Variants in UQCR10 observed in about 807,000 individuals in gnomAD.
The protein encoded by UQCR10 is cytochrome b-c1 complex subunit 9.
UQCR10 carries 5 observed loss-of-function variants against 6.0 expected under a neutral mutation model. That is an observed-to-expected ratio of 0.83 (90% CI 0.43 to 1.74). The LOEUF (loss-of-function observed/expected upper bound fraction) is 1.74, where lower values mean the gene tolerates loss of function less well. UQCR10 is among the 40% of genes most tolerant of loss of function. The pLI is 0.02. For missense variants in UQCR10, 101 were observed against 85.1 expected (o/e 1.19, Z -0.74); for synonymous variants, 40 against 37.4 (o/e 1.07, Z -0.26).
chr22:29,768,409 CACTT>C (rs1446278618), intron 1 of UQCR10, among the ~76,000 whole-genome samples: 6 of 152,130 alleles, frequency 3.9e-5, no homozygotes, highest in Middle Eastern at 3.2e-3. Context: ...TTCCACCACT[CACTT>C]GTGTTTTTAA....
At position 29,769,962 on chromosome 22, in the gene UQCR10, G is replaced by T. The variant is rs1271763709; in HGVS notation, c.*243G>T. 1 of 649,598 alleles carries T rather than the reference G, an allele frequency of 1.5e-6. No homozygotes were observed. The highest frequency in any genetic ancestry group is 1.8e-5 in the African/African-American group (1 of 56,238). 40.2% of individuals were successfully genotyped at this position (649,598 alleles called of 1,614,324 possible). A position where few individuals can be genotyped will look rare whatever the true frequency, so the allele number is the denominator to read the frequency against. ...GCCCTTGAGACCTGCTTCTACATTGGTTGCTTTGTTAACTCTACCTGATCT... is the reference window on the plus strand; with the variant it reads ...GCCCTTGAGACCTGCTTCTACATTGTTTGCTTTGTTAACTCTACCTGATCT... On this transcript the variant is annotated 3_prime_UTR_variant, in exon 2 of 2. Transcript: ENST00000330029.
intron 1 of UQCR10, among the ~76,000 whole-genome samples, chr22:29,767,845 G>A (rs1448837679): frequency 6.6e-6 from 1 of 152,170 alleles, no homozygotes; most frequent in Non-Finnish European, 1.5e-5. Flanking sequence ...GGACTTACTA[G>A]CTGCACAGGA....
At chr22:29,767,643 G>A in intron 1 of UQCR10, 95 bp downstream of exon 1, 3 of 1,466,866 alleles carry the variant, frequency 2.0e-6, no homozygotes, top group Admixed American at 4.7e-5. Flanking sequence ...ACCAGGAAGG[G>A]GGTAAGGGGT....
In UQCR10 at chr22:29,767,403, C is replaced by T. The variant is rs1190765049; in HGVS notation, c.5C>T (p.Ala2Val). 5 of 1,612,516 alleles carry T rather than the reference C, an allele frequency of 3.1e-6. No individual in the cohort carries two copies. The highest frequency in any genetic ancestry group is 1.7e-5 in the Admixed American group (1 of 59,996). The change falls in exon 1 of 2, where the codon GCG (alanine) becomes GTG (valine). Residue 2 changes from alanine (A) to valine (V), a missense_variant. Transcript: ENST00000330029. M[A>V]AATLTSKLYS... ...CGAGTTGGACTGTGAAGAAACATGG[C>T]GGCCGCGACGTTGACTTCGAAATTG...
intron 1 of UQCR10, 65 bp downstream of exon 1, chr22:29,767,613 A>T: frequency 6.5e-7 from 1 of 1,543,752 alleles, no homozygotes; most frequent in South Asian, 1.2e-5. Context: ...TAGAGGTGGG[A>T]TGGGACTCAG....
chr22:29,770,220 G>A lies in UQCR10; in HGVS notation c.*501G>A, dbSNP rs1268679637. 1 of 350,658 alleles carries A rather than the reference G, an allele frequency of 2.9e-6. No homozygotes were observed. Among genetic ancestry groups the A allele is most frequent in the Non-Finnish European group, 5.6e-6 (1 of 178,654 alleles). 21.7% of individuals were successfully genotyped at this position (350,658 alleles called of 1,614,324 possible). ...TGGCCTCAGCTGGGGGAAAGACCCT[G>A]GCCTAGGGGTCTTAGCCACTCCCCA... On this transcript the variant is annotated 3_prime_UTR_variant, in exon 2 of 2. Coordinates refer to ENST00000330029, the MANE Select transcript of UQCR10 (RefSeq NM_013387.4).
chr22:29,767,561 G>A lies in UQCR10; in HGVS notation c.150+13G>A, dbSNP rs904768837. 13 of 1,463,260 alleles carry A rather than the reference G, an allele frequency of 8.9e-6. No individual in the cohort carries two copies. Among genetic ancestry groups the A allele is most frequent in the African/African-American group, 1.4e-5 (1 of 72,262 alleles). The allele number at this position is 1,463,260 out of a possible 1,614,324, so 90.6% of individuals were successfully genotyped here. On this transcript the variant is annotated intron_variant, in intron 1 of 1. Coordinates refer to ENST00000330029, the MANE Select transcript of UQCR10 (RefSeq NM_013387.4). ...CATCAACGAGGGGGTGAGGGCCTGT[G>A]CCATCCCTGACCTTGGACCCGCCTG...
chr22:29,769,216 T>C (rs1412944780), intron 1 of UQCR10, among the ~76,000 whole-genome samples: 1 of 152,128 alleles, frequency 6.6e-6, no homozygotes, highest in African/African-American at 2.4e-5. Context: ...GAATTATGCA[T>C]GAAGGCTCGG....
rs2068253752 is a variant in UQCR10 at position 29,770,183 on chromosome 22, G to A, written c.*464G>A. ...TTAAATACCTCACTGTCTTGGCCAT[G>A]GGGAAGCACTATGGCCTCAGCTGGG... On this transcript the variant is annotated 3_prime_UTR_variant, in exon 2 of 2. Transcript: ENST00000330029. The A allele has an allele frequency of 5.6e-6, 2 of 358,108 alleles. No individual in the cohort carries two copies. 22.2% of individuals were successfully genotyped at this position (358,108 alleles called of 1,614,324 possible).
At chr22:29,768,636 T>G (rs1476305351) in intron 1 of UQCR10, among the ~76,000 whole-genome samples, 28 of 123,368 alleles carry the variant, frequency 2.3e-4, no homozygotes, top group East Asian at 7.7e-4. Context: ...TGTTTTGTTT[T>G]GTTTTTTTGA....
Position 29,770,157 on chromosome 22 carries a change from C to T in UQCR10, c.*438C>T, listed in dbSNP as rs2068253548. ...TGGCTTCTAAGCCAGTAATTCCATT[C>T]TTAAATACCTCACTGTCTTGGCCAT... On this transcript the variant is annotated 3_prime_UTR_variant, in exon 2 of 2. Transcript: ENST00000330029. The T allele has an allele frequency of 2.8e-6, 1 of 360,878 alleles. No individual in the cohort carries two copies. Among genetic ancestry groups the T allele is most frequent in the Admixed American group, 3.7e-5 (1 of 26,704 alleles). 22.4% of individuals were successfully genotyped at this position (360,878 alleles called of 1,614,324 possible). A position where few individuals can be genotyped will look rare whatever the true frequency, so the allele number is the denominator to read the frequency against.
chr22:29,768,692 T>G (rs1276243971), intron 1 of UQCR10, among the ~76,000 whole-genome samples: 1 of 152,116 alleles, frequency 6.6e-6, no homozygotes, highest in Non-Finnish European at 1.5e-5. Flanking sequence ...AGTGGCATGA[T>G]CACAGCTCAC....
Position 29,769,598 on chromosome 22 carries a change from T to A in UQCR10, c.151-80T>A, listed in dbSNP as rs2068249043. The A allele has an allele frequency of 3.5e-6, 5 of 1,431,058 alleles. No individual in the cohort carries two copies. The South Asian group carries it at 5.0e-5, about 14-fold the overall frequency. 88.6% of individuals were successfully genotyped at this position (1,431,058 alleles called of 1,614,324 possible). On this transcript the variant is annotated intron_variant, in intron 1 of 1. Transcript: ENST00000330029. ...GCATGTGTTTCCCCCAAGCTCATTTTAGAGACCAGGGCAGTGGGAGTAGTT... is the reference window on the plus strand; with the variant it reads ...GCATGTGTTTCCCCCAAGCTCATTTAAGAGACCAGGGCAGTGGGAGTAGTT...
Position 29,769,921 on chromosome 22 carries a change from G to A in UQCR10, c.*202G>A, listed in dbSNP as rs1569344792. ...AAGTATGTTTAGTCAGCATGCTCAG[G>A]AAATAAATGTGAATTGCCCTTGAGA... On this transcript the variant is annotated 3_prime_UTR_variant, in exon 2 of 2. Transcript: ENST00000330029. 2 of 721,152 alleles carry A rather than the reference G, an allele frequency of 2.8e-6. No homozygotes were observed. Among genetic ancestry groups the A allele is most frequent in the East Asian group, 2.7e-5 (1 of 36,610 alleles). 44.7% of individuals were successfully genotyped at this position (721,152 alleles called of 1,614,324 possible). A position where few individuals can be genotyped will look rare whatever the true frequency, so the allele number is the denominator to read the frequency against.
chr22:29,767,412 C>T lies in UQCR10; in HGVS notation c.14C>T (p.Thr5Met), dbSNP rs756103227. 23 of 1,613,060 alleles carry T rather than the reference C, an allele frequency of 1.4e-5. No individual in the cohort carries two copies. Among genetic ancestry groups the T allele is most frequent in the African/African-American group, 8.0e-5 (6 of 75,046 alleles). ...CTGTGAAGAAACATGGCGGCCGCGA[C>T]GTTGACTTCGAAATTGTACTCCCTG... MAAA[T>M]LTSKLYSLLF... Residue 5 changes from threonine (T) to methionine (M), a missense_variant, in exon 1 of 2, where the codon ACG (threonine) becomes ATG (methionine). By Grantham distance (81) the Thr-to-Met change is moderately conservative. Coordinates refer to ENST00000330029, the MANE Select transcript of UQCR10 (RefSeq NM_013387.4).
Position 29,767,466 on chromosome 22 carries a change from T to G in UQCR10, c.68T>G (p.Leu23Arg). ...LLFRRTSTFALTIIVGVMFFE... is the reference protein window; with the variant it reads ...LLFRRTSTFARTIIVGVMFFE... ...TTCCGCAGGACCTCCACCTTCGCCC[T>G]CACCATCATCGTGGGCGTCATGTTC... Residue 23 changes from leucine to arginine, a missense_variant, in exon 1 of 2, where the codon CTC (leucine) becomes CGC (arginine). Transcript: ENST00000330029. 1 of 1,613,990 alleles carries G rather than the reference T, an allele frequency of 6.2e-7. No individual in the cohort carries two copies. Among genetic ancestry groups the G allele is most frequent in the Non-Finnish European group, 8.5e-7 (1 of 1,179,866 alleles).
rs369731574 is a variant in UQCR10 at position 29,767,476 on chromosome 22, C to A, written c.78C>A (p.Ile26=). The change falls in exon 1 of 2, where the codon ATC becomes ATA. Residue 26 remains isoleucine, a synonymous_variant. Coordinates refer to ENST00000330029, the MANE Select transcript of UQCR10 (RefSeq NM_013387.4). ...RRTSTFALTI[I]VGVMFFERAF... ...CCTCCACCTTCGCCCTCACCATCAT[C>A]GTGGGCGTCATGTTCTTCGAGCGCG... 40 of 1,613,900 alleles carry A rather than the reference C, an allele frequency of 2.5e-5. No individual in the cohort carries two copies. The highest frequency in any genetic ancestry group is 3.3e-5 in the Non-Finnish European group (39 of 1,179,896).
chr22:29,767,684 C>T (rs2068233145), intron 1 of UQCR10, 136 bp downstream of exon 1: 1 of 1,287,250 alleles, frequency 7.8e-7, no homozygotes, highest in Non-Finnish European at 1.0e-6. Flanking sequence ...CTCGAGTCCG[C>T]CGTCTGTCCC....
intron 1 of UQCR10, 64 bp from the exon 2 acceptor site, chr22:29,769,614 G>C: frequency 6.7e-7 from 1 of 1,483,728 alleles, no homozygotes; most frequent in South Asian, 1.2e-5. Flanking sequence ...CCAGGGCAGT[G>C]GGAGTAGTTG....
Sources: gnomAD v4.1 joint callset for allele counts (sites outside exome capture counted in the v4.1 genomes callset) on GRCh38, gnomAD v4.1.1 for gene constraint, MANE v1.5 for transcripts, NCBI Gene and HGNC (gene_info 2026-07-23, HGNC 2026-07-21) for gene names.